ABLIM2: variants seen among roughly 807,000 people sequenced by gnomAD.
The protein encoded by ABLIM2 is actin-binding LIM protein 2.
ABLIM2 carries 53 observed loss-of-function variants against 97.7 expected under a neutral mutation model. The ratio of observed to expected loss-of-function variants is 0.54; its 90% confidence interval spans 0.44 to 0.68. The LOEUF (loss-of-function observed/expected upper bound fraction) is 0.68, where lower values mean the gene tolerates loss of function less well. ABLIM2 is among the 30% of genes least tolerant of loss of function. The pLI, the probability that ABLIM2 is intolerant of heterozygous loss-of-function variation, is 0.00. For missense variants in ABLIM2, 835 were observed against 867.2 expected, an observed-to-expected ratio of 0.96 and a Z score of 0.47; for synonymous variants, 361 against 345.8, an observed-to-expected ratio of 1.04 and a Z score of -0.49.
At position 7,986,358 on chromosome 4, in the gene ABLIM2, G is replaced by A. The variant is rs1744094946; in HGVS notation, c.1681-1465C>T. ...CTTTATCTGAAACAGGAAAACCGAG[G>A]CCCCGAGGGAAGCTGGACCTTCTTC... On this transcript the variant is annotated intron_variant, in intron 17 of 20. Transcript: ENST00000447017. The surrounding 1 kb of genome is among the most constrained non-coding windows in gnomAD (Gnocchi z 4.3). 6.6e-6 allele frequency among the ~76,000 whole-genome samples: 1 copy of A among 152,162 alleles called. No homozygotes were observed. The highest frequency in any genetic ancestry group is 6.5e-5 in the Admixed American group (1 of 15,286).
At chr4:8,031,714 GAATA>G (rs907144821) in intron 10 of ABLIM2, among the ~76,000 whole-genome samples, 1 of 148,120 alleles carries the variant, frequency 6.8e-6, no homozygotes, top group Non-Finnish European at 1.5e-5. Context: ...GGTGGGGGAT[GAATA>G]AATATACATT....
At chr4:8,152,823 C>T (rs1242079129) in intron 1 of ABLIM2, among the ~76,000 whole-genome samples, 3 of 152,186 alleles carry the variant, frequency 2.0e-5, no homozygotes, top group Non-Finnish European at 4.4e-5. Context: ...GCTCATGAGA[C>T]CCTCAATCCC....
rs894539020 is a variant in ABLIM2, at chr4:8,081,947, G to A, written c.455-1145C>T. On this transcript the variant is annotated intron_variant, in intron 4 of 20. Coordinates refer to ENST00000447017, the MANE Select transcript of ABLIM2 (RefSeq NM_001130083.2). ...GTGCGTCAGTGTGTGTGACTGGTGC[G>A]TGAGTGTGTCTACGTATGTGTTTGT... is the stretch of plus-strand genomic sequence containing the variant. Among the ~76,000 whole-genome samples, 7 of 152,280 alleles carry A rather than the reference G, an allele frequency of 4.6e-5. No individual in the cohort carries two copies. In the South Asian group the frequency reaches 1.2e-3, roughly 27 times the overall value.
intron 14 of ABLIM2, among the ~76,000 whole-genome samples, chr4:8,018,017 C>T (rs766136129): frequency 1.0e-4 from 15 of 150,476 alleles, no homozygotes; most frequent in South Asian, 2.1e-4. Context: ...AGCACAAAGA[C>T]GATCACTGGA....
At chr4:7,968,384 T>A (rs1012288614) in intron 20 of ABLIM2, among the ~76,000 whole-genome samples, 1 of 152,242 alleles carries the variant, frequency 6.6e-6, no homozygotes, top group Admixed American at 6.5e-5. Flanking sequence ...GTCGCCCATG[T>A]TCCTAGCAGC....
chr4:8,082,640 C>T lies in ABLIM2; in HGVS notation c.455-1838G>A, dbSNP rs1455368320. Reference sequence around the variant, plus strand: ...CACATTCACATGCTACTTTGGAAAACAGCCAGAGAGCAGATTCAAACTCTG... The same window carrying T: ...CACATTCACATGCTACTTTGGAAAATAGCCAGAGAGCAGATTCAAACTCTG... On this transcript the variant is annotated intron_variant, in intron 4 of 20. Transcript: ENST00000447017. The surrounding 1 kb of genome is among the most constrained non-coding windows in gnomAD (Gnocchi z 5.6). 6.6e-6 allele frequency among the ~76,000 whole-genome samples: 1 copy of T among 152,252 alleles called. No individual in the cohort carries two copies. Among genetic ancestry groups the T allele is most frequent in the Admixed American group, 6.5e-5 (1 of 15,288 alleles).
intron 6 of ABLIM2, among the ~76,000 whole-genome samples, chr4:8,062,273 G>T (rs1056252876): frequency 6.6e-6 from 1 of 152,198 alleles, no homozygotes; most frequent in Non-Finnish European, 1.5e-5. Flanking sequence ...TAGATGGCCA[G>T]TCTCTCAAGC....
intron 6 of ABLIM2, chr4:8,066,788 C>T (rs1808137118): frequency 6.6e-6 from 1 of 152,024 alleles, no homozygotes; most frequent in African/African-American, 2.4e-5. Flanking sequence ...GGTGAGGTTT[C>T]CTCTCGGGGT....
intron 6 of ABLIM2, among the ~76,000 whole-genome samples, chr4:8,065,749 C>T (rs28766958): frequency 0.048 from 7,249 of 151,908 alleles, 370 homozygotes; most frequent in African/African-American, 0.12. Context: ...CATGGTGAAA[C>T]GCCATCTCTA....
chr4:8,035,746 G>A (rs1178265951), intron 10 of ABLIM2, among the ~76,000 whole-genome samples: 1 of 152,236 alleles, frequency 6.6e-6, no homozygotes, highest in East Asian at 1.9e-4. Flanking sequence ...ATGGGGCAGA[G>A]CCATGGCAGC....
rs1406449955 is a variant in ABLIM2, at chr4:8,002,197, T to G, written c.1618+5862A>C. On this transcript the variant is annotated intron_variant, in intron 16 of 20. Coordinates refer to ENST00000447017, the MANE Select transcript of ABLIM2 (RefSeq NM_001130083.2). The surrounding 1 kb of genome is among the most constrained non-coding windows in gnomAD (Gnocchi z 6.1). ...TCCAGCCTGGACCTCTCCTCTGAGC[T>G]CCGTCTGCCCCCTGGCAACCCCCCG... 6.6e-6 allele frequency among the ~76,000 whole-genome samples: 1 copy of G among 152,096 alleles called. No individual in the cohort carries two copies. Among genetic ancestry groups the G allele is most frequent in the Non-Finnish European group, 1.5e-5 (1 of 68,010 alleles).
chr4:8,112,891 G>C lies in ABLIM2; in HGVS notation c.11-6254C>G, dbSNP rs1226939046. On this transcript the variant is annotated intron_variant, in intron 1 of 20. Transcript: ENST00000447017. This position sits in a 1 kb window ranked among gnomAD's most constrained non-coding sequence, Gnocchi z 4.2. The stretch of plus-strand genomic sequence containing the variant: ...TGGGCTGCAAACCATGTGTTCACTT[G>C]TTCAACAGACACGGGAGCAGACGCA... Among the ~76,000 whole-genome samples, 1 of 152,182 alleles carries C rather than the reference G, an allele frequency of 6.6e-6. No homozygotes were observed. Among genetic ancestry groups the C allele is most frequent in the Non-Finnish European group, 1.5e-5 (1 of 68,040 alleles).
chr4:8,031,733 T>A lies in ABLIM2; in HGVS notation c.1048-1957A>T, dbSNP rs1781046120. 2.6e-5 allele frequency among the ~76,000 whole-genome samples: 4 copies of A among 151,654 alleles called. No individual in the cohort carries two copies. In the South Asian group the frequency reaches 8.4e-4, roughly 32 times the overall value. On this transcript the variant is annotated intron_variant, in intron 10 of 20. Transcript: ENST00000447017. ...GGGGATGAATAAATATACATTTTTT[T>A]TTTTTTTTTGAGATGGAGTCTCGCT...
Position 8,130,736 on chromosome 4 carries a change from G to C in ABLIM2, c.11-24099C>G, listed in dbSNP as rs115003871. 2.2e-3 allele frequency among the ~76,000 whole-genome samples: 338 copies of C among 152,300 alleles called. 1 individual carries two copies. Among genetic ancestry groups the C allele is most frequent in the African/African-American group, 7.9e-3 (328 of 41,562 alleles). On this transcript the variant is annotated intron_variant, in intron 1 of 20. Coordinates refer to ENST00000447017, the MANE Select transcript of ABLIM2 (RefSeq NM_001130083.2). The surrounding 1 kb of genome is among the most constrained non-coding windows in gnomAD (Gnocchi z 4.2). ...AGGAGGAATTAGCCAGGCCCAGGGA[G>C]GGGAGAGACGGTCTGGGCAGAGAGC...
rs1406086532 is a variant in ABLIM2, at chr4:8,132,900, G to C, written c.10+25780C>G. Among the ~76,000 whole-genome samples the C allele has an allele frequency of 6.6e-6, 1 of 152,200 alleles. No individual in the cohort carries two copies. Among genetic ancestry groups the C allele is most frequent in the Non-Finnish European group, 1.5e-5 (1 of 68,024 alleles). ...CGGTAATTGGCATCTTTGTTCCCCA[G>C]TTCCTGACTCGATGGGTGTCCCGTG... On this transcript the variant is annotated intron_variant, in intron 1 of 20. Coordinates refer to ENST00000447017, the MANE Select transcript of ABLIM2 (RefSeq NM_001130083.2). This position sits in a 1 kb window ranked among gnomAD's most constrained non-coding sequence, Gnocchi z 8.0.
rs1406613674 is a variant in ABLIM2 at position 8,023,330 on chromosome 4, T to G, written c.1268-3027A>C. Among the ~76,000 whole-genome samples, 6 of 152,214 alleles carry G rather than the reference T, an allele frequency of 3.9e-5. No homozygotes were observed. The highest frequency in any genetic ancestry group is 3.9e-4 in the Admixed American group (6 of 15,286). On this transcript the variant is annotated intron_variant, in intron 12 of 20. Coordinates refer to ENST00000447017, the MANE Select transcript of ABLIM2 (RefSeq NM_001130083.2). The surrounding 1 kb of genome is among the most constrained non-coding windows in gnomAD (Gnocchi z 5.7). Reference sequence around the variant, plus strand: ...GTTCTGTCGGCACGTCTCCCAAGGCTCCTCTCGGCTGCGACCTTTTGCAGA... The same window carrying G: ...GTTCTGTCGGCACGTCTCCCAAGGCGCCTCTCGGCTGCGACCTTTTGCAGA...
chr4:8,083,229 G>A lies in ABLIM2; in HGVS notation c.455-2427C>T, dbSNP rs192776145. The stretch of plus-strand genomic sequence containing the variant: ...CAGAGGACAGACAGCAGACAGCAGC[G>A]GTCAGATCCCAGCAATGCCCCCCAC... On this transcript the variant is annotated intron_variant, in intron 4 of 20. Coordinates refer to ENST00000447017, the MANE Select transcript of ABLIM2 (RefSeq NM_001130083.2). This position sits in a 1 kb window ranked among gnomAD's most constrained non-coding sequence, Gnocchi z 4.6. Among the ~76,000 whole-genome samples the A allele has an allele frequency of 6.6e-6, 1 of 152,178 alleles. No homozygotes were observed. The highest frequency in any genetic ancestry group is 6.5e-5 in the Admixed American group (1 of 15,276).
intron 20 of ABLIM2, among the ~76,000 whole-genome samples, chr4:7,967,867 G>A (rs10008860): frequency 0.4 from 61,020 of 152,154 alleles, 12,790 homozygotes; most frequent in Middle Eastern, 0.46. Flanking sequence ...ACTGGCTGTG[G>A]ACTGTACCCG....
intron 19 of ABLIM2, 63 bp from the exon 20 acceptor site, chr4:7,983,407 T>C (rs2149683591): frequency 1.3e-6 from 2 of 1,584,996 alleles, no homozygotes; most frequent in South Asian, 2.3e-5. Flanking sequence ...ACCAAAGAAC[T>C]GAGCAGAAGG....
Sources: gnomAD v4.1 joint callset for allele counts (sites outside exome capture counted in the v4.1 genomes callset) on GRCh38, gnomAD v4.1.1 for gene constraint, Gnocchi (gnomAD v3.1) non-coding constraint, MANE v1.5 for transcripts, NCBI Gene and HGNC (gene_info 2026-07-23, HGNC 2026-07-21) for gene names.